The following DUSP29 variants were observed in gnomAD, a reference collection of about 807,000 sequenced individuals.
DUSP29 encodes the protein atypical dual-specific protein phosphatase.
Under a neutral mutation model 13.5 loss-of-function variants are expected in DUSP29, and 12 were observed. The ratio of observed to expected loss-of-function variants is 0.89; its 90% CI spans 0.57 to 1.44. The LOEUF is 1.44. Ranked by LOEUF, DUSP29 falls within the 40% of genes most tolerant of loss-of-function variation. The pLI is 0.00. For missense variants in DUSP29, 308 were observed against 301.1 expected (o/e 1.02, Z -0.17); for synonymous variants, 134 against 128.7 (o/e 1.04, Z -0.28).
intron 2 of DUSP29, among the ~76,000 whole-genome samples, chr10:75,053,122 T>C (rs750813006): frequency 2.0e-5 from 3 of 152,200 alleles, no homozygotes; most frequent in Non-Finnish European, 4.4e-5. Context: ...GAAAGAATCA[T>C]TGCTGTGGCC....
intron 2 of DUSP29, among the ~76,000 whole-genome samples, chr10:75,054,223 G>T (rs2134293150): frequency 6.6e-6 from 1 of 152,264 alleles, no homozygotes; most frequent in Admixed American, 6.5e-5. Context: ...GACAGTTTAA[G>T]TCTTAAAATC....
chr10:75,038,122 T>C (rs1589854360), intron 3 of DUSP29, 45 bp from the exon 4 acceptor site: 1 of 1,584,808 alleles, frequency 6.3e-7, no homozygotes, highest in East Asian at 2.2e-5. Flanking sequence ...GAGGGGCAGG[T>C]GTTGGGGGCA....
At chr10:75,053,063 G>T (rs1238664456) in intron 2 of DUSP29, among the ~76,000 whole-genome samples, 3 of 152,218 alleles carry the variant, frequency 2.0e-5, no homozygotes, top group Non-Finnish European at 4.4e-5. Context: ...AGAGTAAAGT[G>T]GCCGGGAGCG....
At chr10:75,056,452 C>A (rs1846959660) in intron 2 of DUSP29, among the ~76,000 whole-genome samples, 1 of 151,248 alleles carries the variant, frequency 6.6e-6, no homozygotes, top group South Asian at 2.1e-4. Flanking sequence ...CACTTGAACC[C>A]AGGAGGTGGA....
intron 3 of DUSP29, among the ~76,000 whole-genome samples, chr10:75,041,672 G>A (rs1365567481): frequency 2.0e-5 from 3 of 152,198 alleles, no homozygotes; most frequent in Non-Finnish European, 4.4e-5. Flanking sequence ...CATCTCCAGT[G>A]GGGTCATGTC....
intron 1 of DUSP29, among the ~76,000 whole-genome samples, chr10:75,073,165 C>T (rs1230601384): frequency 5.3e-5 from 8 of 152,112 alleles, no homozygotes; most frequent in Non-Finnish European, 2.9e-5. Context: ...TGATGCTGCC[C>T]TACACAGGAT....
rs1051422201 is a variant in DUSP29, at chr10:75,049,404, G to A, written c.201-5387C>T. ...TGATGTCGTGTGAGTGATTGGACTC[G>A]GCATTTGCCTAACCATGCAAGGAGA... On this transcript the variant is annotated intron_variant, in intron 2 of 3. Transcript: ENST00000338487. Among the ~76,000 whole-genome samples, 15 of 152,320 alleles carry A rather than the reference G, an allele frequency of 9.8e-5. No homozygotes were observed. The East Asian group carries it at 1.5e-3, about 16-fold the overall frequency.
chr10:75,049,320 A>G (rs529709776), intron 2 of DUSP29, among the ~76,000 whole-genome samples: 12 of 152,232 alleles, frequency 7.9e-5, no homozygotes, highest in South Asian at 2.1e-4. Context: ...CCCAAACTCT[A>G]TTCCTCCAAG....
rs976128258 is a variant in DUSP29, at chr10:75,037,664, G to A, written c.*172C>T. ...AGAGGCTGAGCGCTCAGCTCTGCCCGGGGGCAGCTCTGGGTCCTCCCTGTC... is the reference window on the plus strand; with the variant it reads ...AGAGGCTGAGCGCTCAGCTCTGCCCAGGGGCAGCTCTGGGTCCTCCCTGTC... On this transcript the variant is annotated 3_prime_UTR_variant, in exon 4 of 4. Transcript: ENST00000338487. Among the ~76,000 whole-genome samples the A allele has an allele frequency of 1.3e-5, 2 of 152,148 alleles. No homozygotes were observed. Among genetic ancestry groups the A allele is most frequent in the African/African-American group, 2.4e-5 (1 of 41,432 alleles).
At chr10:75,044,688 C>CT (rs1300256780) in intron 2 of DUSP29, among the ~76,000 whole-genome samples, 1 of 152,208 alleles carries the variant, frequency 6.6e-6, no homozygotes, top group African/African-American at 2.4e-5. Context: ...ACAGCTTTAT[C>CT]TTTCTAGGCA....
intron 1 of DUSP29, among the ~76,000 whole-genome samples, chr10:75,066,529 C>T (rs962472905): frequency 6.6e-6 from 1 of 151,972 alleles, no homozygotes; most frequent in African/African-American, 2.4e-5. Context: ...TTTAGGGTGA[C>T]GAAATTATAT....
chr10:75,042,145 G>C (rs888761174), intron 3 of DUSP29, among the ~76,000 whole-genome samples: 1 of 152,200 alleles, frequency 6.6e-6, no homozygotes, highest in Non-Finnish European at 1.5e-5. Flanking sequence ...AGCGCTTTAC[G>C]CGCGTTACTG....
At chr10:75,045,938 C>G (rs1184846340) in intron 2 of DUSP29, among the ~76,000 whole-genome samples, 2 of 152,000 alleles carry the variant, frequency 1.3e-5, no homozygotes, top group Non-Finnish European at 2.9e-5. Flanking sequence ...TCATGAAACC[C>G]CATCTCTACA....
intron 2 of DUSP29, 40 bp from the exon 3 acceptor site, chr10:75,044,057 C>G: frequency 6.3e-7 from 1 of 1,577,528 alleles, no homozygotes. Context: ...GCGCGGCGCC[C>G]TGCCCCGGGT....
rs146031273 is a variant in DUSP29, at chr10:75,058,327, T to C, written c.188A>G (p.Tyr63Cys). The change falls in exon 2 of 4, where the codon TAC (tyrosine) becomes TGC (cysteine). Residue 63 changes from tyrosine to cysteine, a missense_variant. Physicochemically the swap from Tyr to Cys is radical, Grantham distance 194 (BLOSUM62 -2). Transcript: ENST00000338487. ...CCTGGGCACTTACTCATCGCCAATG[T>C]AGAGCTTGGGCCAGACCTCGTTGAC... Reference protein sequence around the residue: ...THVNEVWPKLYIGDEATALDR... With the variant: ...THVNEVWPKLCIGDEATALDR... 107 of 1,613,548 alleles carry C rather than the reference T, an allele frequency of 6.6e-5. No individual in the cohort carries two copies. The African/African-American group carries it at 1.3e-3, about 19-fold the overall frequency.
chr10:75,058,852 C>T (rs999099635), intron 1 of DUSP29, among the ~76,000 whole-genome samples: 8 of 152,222 alleles, frequency 5.3e-5, no homozygotes, highest in Admixed American at 6.5e-5. Context: ...TCCCACCTTT[C>T]TTTAGACTTT....
intron 2 of DUSP29, among the ~76,000 whole-genome samples, chr10:75,051,136 T>A (rs552865457): frequency 3.3e-5 from 5 of 152,086 alleles, no homozygotes; most frequent in Non-Finnish European, 7.4e-5. Context: ...CTTCCAACAC[T>A]CTGCCCTGGG....
At chr10:75,060,389 C>T (rs1437442078) in intron 1 of DUSP29, among the ~76,000 whole-genome samples, 2 of 151,342 alleles carry the variant, frequency 1.3e-5, no homozygotes, top group African/African-American at 4.9e-5. Flanking sequence ...GGTGGGAGGA[C>T]CACTGGAGCC....
At chr10:75,052,613 G>A (rs1464351443) in intron 2 of DUSP29, among the ~76,000 whole-genome samples, 3 of 151,592 alleles carry the variant, frequency 2.0e-5, no homozygotes, top group East Asian at 1.9e-4. Context: ...GGCCATCCCC[G>A]GCTAATTTTT....
Sources: allele counts gnomAD v4.1 joint callset (sites outside exome capture counted in the v4.1 genomes callset), GRCh38; gene constraint gnomAD v4.1.1; transcripts MANE v1.5; gene names NCBI Gene and HGNC (gene_info 2026-07-23, HGNC 2026-07-21).